The following DLG2 variants were observed in gnomAD, a reference collection of about 807,000 sequenced individuals.
DLG2 encodes the protein discs large MAGUK scaffold protein 2.
Under a neutral mutation model 132.5 loss-of-function variants are expected in DLG2, and 45 were observed. The observed-to-expected ratio is 0.34, with a 90% CI of 0.27 to 0.44. The LOEUF is 0.44. Ranked by LOEUF, DLG2 falls within the 20% of genes least tolerant of loss-of-function variation. DLG2 has a pLI of 1.00. For missense variants in DLG2, 1,045 were observed against 1,196.9 expected (o/e 0.87, Z 1.87); for synonymous variants, 424 against 419.6 (o/e 1.01, Z -0.13).
intron 3 of DLG2, among the ~76,000 whole-genome samples, chr11:85,309,126 A>C (rs900627158): frequency 5.3e-5 from 8 of 152,078 alleles, no homozygotes; most frequent in African/African-American, 1.7e-4. Context: ...GACATGCCCA[A>C]ATTAGCTTCT....
At chr11:84,284,120 G>C (rs1288807429) in intron 7 of DLG2, among the ~76,000 whole-genome samples, 2 of 152,100 alleles carry the variant, frequency 1.3e-5, no homozygotes, top group Non-Finnish European at 2.9e-5. Flanking sequence ...TGTAATCCCA[G>C]CTACTCTGGA....
intron 3 of DLG2, among the ~76,000 whole-genome samples, chr11:85,576,427 T>A (rs2078159827): frequency 6.6e-6 from 1 of 152,170 alleles, no homozygotes; most frequent in African/African-American, 2.4e-5. Flanking sequence ...ACAAAGACCC[T>A]GGAAAGAATA....
At chr11:84,026,959 C>T (rs928080354) in intron 11 of DLG2, among the ~76,000 whole-genome samples, 2 of 151,794 alleles carry the variant, frequency 1.3e-5, no homozygotes, top group Non-Finnish European at 2.9e-5. Context: ...TATTATATTC[C>T]TTATTATTAT....
At chr11:85,408,109 C>A (rs2088941940) in intron 3 of DLG2, among the ~76,000 whole-genome samples, 2 of 150,454 alleles carry the variant, frequency 1.3e-5, no homozygotes, top group South Asian at 4.2e-4. Context: ...TTCTGGGCAC[C>A]TTTTTATCTT....
In DLG2 at chr11:84,944,675, G is replaced by T. The variant is rs182898834; in HGVS notation, c.357+166986C>A. On this transcript the variant is annotated intron_variant, in intron 6 of 27. Coordinates refer to ENST00000376104, the MANE Select transcript of DLG2 (RefSeq NM_001142699.3). ...GCTGGAGTGCAGTGGCATGATCTCG[G>T]CTCACCGCAACCTCTACCTCCTGGG... 1.4e-3 allele frequency among the ~76,000 whole-genome samples: 204 copies of T among 147,710 alleles called. 1 individual carries two copies. Among genetic ancestry groups the T allele is most frequent in the African/African-American group, 5.1e-3 (200 of 39,450 alleles).
At chr11:84,443,550 C>T (rs2099023778) in intron 7 of DLG2, among the ~76,000 whole-genome samples, 1 of 152,124 alleles carries the variant, frequency 6.6e-6, no homozygotes, top group South Asian at 2.1e-4. Flanking sequence ...TATAAGAGAT[C>T]AGTATTCTAT....
Position 85,417,491 on chromosome 11 carries a change from A to G in DLG2, c.41-132126T>C, listed in dbSNP as rs186319938. Among the ~76,000 whole-genome samples, 10 of 152,064 alleles carry G rather than the reference A, an allele frequency of 6.6e-5. No homozygotes were observed. In the East Asian group the frequency reaches 1.4e-3, roughly 21 times the overall value. ...GTTAGGGAGGAGTGTCTCTTTTTCT[A>G]TTGGTTGGAATAGCTTCAGAAGGAA... On this transcript the variant is annotated intron_variant, in intron 3 of 27. Coordinates refer to ENST00000376104, the MANE Select transcript of DLG2 (RefSeq NM_001142699.3).
chr11:84,332,111 A>T (rs1291323174), intron 7 of DLG2, among the ~76,000 whole-genome samples: 1 of 151,850 alleles, frequency 6.6e-6, no homozygotes, highest in Non-Finnish European at 1.5e-5. Context: ...CTAAACAATC[A>T]TCCGTTAGTA....
chr11:84,664,094 C>G (rs1265776264), intron 6 of DLG2, among the ~76,000 whole-genome samples: 1 of 152,146 alleles, frequency 6.6e-6, no homozygotes, highest in Non-Finnish European at 1.5e-5. Flanking sequence ...CTGAATGAAG[C>G]AAAGTGGCAG....
intron 2 of DLG2, among the ~76,000 whole-genome samples, chr11:85,599,307 C>T (rs571365483): frequency 2.0e-5 from 3 of 152,214 alleles, no homozygotes; most frequent in South Asian, 2.1e-4. Context: ...CATACACACA[C>T]GCATGCACGT....
chr11:85,498,401 C>T (rs572654423), intron 3 of DLG2, among the ~76,000 whole-genome samples: 8 of 152,106 alleles, frequency 5.3e-5, no homozygotes, highest in Non-Finnish European at 8.8e-5. Flanking sequence ...ATATATGCAC[C>T]CAATACAGGA....
chr11:83,748,877 C>A (rs2093107456), intron 18 of DLG2, among the ~76,000 whole-genome samples: 1 of 152,056 alleles, frequency 6.6e-6, no homozygotes, highest in Non-Finnish European at 1.5e-5. Flanking sequence ...ATTTTACAAG[C>A]TTTTTTTGCC....
chr11:84,791,026 G>A (rs182164228), intron 6 of DLG2, among the ~76,000 whole-genome samples: 42 of 152,272 alleles, frequency 2.8e-4, no homozygotes, highest in African/African-American at 9.9e-4. Context: ...CGCATGACTG[G>A]GGAGGCCTCA....
chr11:83,844,920 T>A (rs1487256191), intron 16 of DLG2, among the ~76,000 whole-genome samples: 1 of 152,200 alleles, frequency 6.6e-6, no homozygotes, highest in Non-Finnish European at 1.5e-5. Flanking sequence ...ATATAATTTA[T>A]CCTAGTGTTT....
chr11:84,756,584 G>A (rs1292764194), intron 6 of DLG2, among the ~76,000 whole-genome samples: 1 of 152,142 alleles, frequency 6.6e-6, no homozygotes, highest in Non-Finnish European at 1.5e-5. Context: ...TTAGAAGGTT[G>A]TTAAGAGAAT....
chr11:84,097,235 C>A (rs2097177710), intron 10 of DLG2, among the ~76,000 whole-genome samples: 1 of 152,106 alleles, frequency 6.6e-6, no homozygotes, highest in Non-Finnish European at 1.5e-5. Context: ...AGGCTTTGAC[C>A]TTAGGCTTTT....
intron 3 of DLG2, among the ~76,000 whole-genome samples, chr11:85,333,085 G>A (rs540280139): frequency 4.6e-5 from 7 of 152,222 alleles, no homozygotes; most frequent in African/African-American, 1.7e-4. Flanking sequence ...CCATGAGCAT[G>A]GAATAATTTT....
chr11:84,138,041 T>C (rs1406738902), intron 9 of DLG2, among the ~76,000 whole-genome samples: 2 of 152,134 alleles, frequency 1.3e-5, no homozygotes, highest in Admixed American at 1.3e-4. Context: ...TCAGTAGAAA[T>C]AGAAACACTG....
chr11:84,094,242 T>C lies in DLG2; in HGVS notation c.749+4681A>G, dbSNP rs143501719. Among the ~76,000 whole-genome samples, 99 of 152,298 alleles carry C rather than the reference T, an allele frequency of 6.5e-4. 4 individuals are homozygous for C. In the Middle Eastern group the frequency reaches 0.044, roughly 68 times the overall value. On this transcript the variant is annotated intron_variant, in intron 10 of 27. Coordinates refer to ENST00000376104, the MANE Select transcript of DLG2 (RefSeq NM_001142699.3). ...ATTTTCTTATCTGAAAAATGGATAA[T>C]AAATAATAGTGTGAATTTTATTGAG...
Sources: allele counts gnomAD v4.1 joint callset (sites outside exome capture counted in the v4.1 genomes callset), GRCh38; gene constraint gnomAD v4.1.1; transcripts MANE v1.5; gene names NCBI Gene and HGNC (gene_info 2026-07-23, HGNC 2026-07-21).